Variants in PCDH15 observed in about 807,000 individuals in gnomAD.
PCDH15 encodes the protein protocadherin-15.
Under a neutral mutation model 178.5 loss-of-function variants are expected in PCDH15, and 129 were observed. That is an observed-to-expected ratio of 0.72 (90% CI 0.63 to 0.84). PCDH15 has a LOEUF of 0.84. Among genes scored for constraint, PCDH15 ranks in the 40% least tolerant of loss-of-function variants. The pLI is 0.00. For synonymous variants in PCDH15, 800 were observed against 732.0 expected (o/e 1.09, Z -1.50); for missense variants, 2,230 against 2,099.9 (o/e 1.06, Z -1.21).
intron 3 of PCDH15, among the ~76,000 whole-genome samples, chr10:54,454,044 T>A (rs947316807): frequency 6.6e-6 from 1 of 151,212 alleles, no homozygotes; most frequent in Non-Finnish European, 1.5e-5. Context: ...TATATAAATA[T>A]AATAGAGATT....
intron 2 of PCDH15, among the ~76,000 whole-genome samples, chr10:54,957,172 T>TA (rs1457361638): frequency 6.6e-6 from 1 of 151,514 alleles, no homozygotes; most frequent in East Asian, 1.9e-4. Flanking sequence ...TTCACAGACA[T>TA]AAAAATGAAG....
At chr10:55,358,811 ATTAG>A (rs1845144436) in intron 2 of PCDH15, among the ~76,000 whole-genome samples, 1 of 152,132 alleles carries the variant, frequency 6.6e-6, no homozygotes, top group Non-Finnish European at 1.5e-5. Flanking sequence ...AAAGTTGCTT[ATTAG>A]TTTGCTTTTC....
At chr10:54,806,475 T>C (rs975121011) in intron 3 of PCDH15, among the ~76,000 whole-genome samples, 4 of 151,374 alleles carry the variant, frequency 2.6e-5, no homozygotes, top group Non-Finnish European at 5.9e-5. Context: ...TGACTGAAGG[T>C]TCTGGCTTGA....
At chr10:55,378,372 G>T (rs1187693250) in intron 2 of PCDH15, among the ~76,000 whole-genome samples, 1 of 152,006 alleles carries the variant, frequency 6.6e-6, no homozygotes. Context: ...TTGAAAAAAT[G>T]CTCTGGGATT....
At chr10:54,392,623 G>A (rs1950697278) in intron 3 of PCDH15, among the ~76,000 whole-genome samples, 1 of 151,802 alleles carries the variant, frequency 6.6e-6, no homozygotes, top group Admixed American at 6.6e-5. Flanking sequence ...CTGTGGCCAG[G>A]CACGCTGGCT....
intron 15 of PCDH15, among the ~76,000 whole-genome samples, 198 bp from the exon 16 acceptor site, chr10:54,090,261 C>G (rs1590352935): frequency 6.6e-6 from 1 of 152,134 alleles, no homozygotes; most frequent in Non-Finnish European, 1.5e-5. Context: ...GTAATCCTAC[C>G]TGATGTGGAA....
intron 20 of PCDH15, among the ~76,000 whole-genome samples, chr10:53,997,641 G>A (rs2091918532): frequency 6.6e-6 from 1 of 152,118 alleles, no homozygotes; most frequent in Non-Finnish European, 1.5e-5. Flanking sequence ...TTCCAATTAT[G>A]TCAACACAGC....
At chr10:55,555,123 T>TC (rs1375861017) in intron 2 of PCDH15, among the ~76,000 whole-genome samples, 2 of 152,078 alleles carry the variant, frequency 1.3e-5, no homozygotes, top group Non-Finnish European at 2.9e-5. Flanking sequence ...ATCTTTGGGA[T>TC]CATAGAAGCT....
rs114479061 is a variant in PCDH15 at position 54,020,121 on chromosome 10, A to G, written c.2751+71T>C. 628 of 1,276,674 alleles carry G rather than the reference A, an allele frequency of 4.9e-4. 1 individual carries two copies. The African/African-American group carries it at 7.8e-3, about 16-fold the overall frequency. 79.1% of individuals were successfully genotyped at this position (1,276,674 alleles called of 1,614,324 possible). On this transcript the variant is annotated intron_variant, in intron 20 of 37. Transcript: ENST00000644397. Reference sequence around the variant, plus strand: ...ATTGTTATCAAAACATATTATAGGTATAATAGAAGGAACAAAACCTACATG... The same window carrying G: ...ATTGTTATCAAAACATATTATAGGTGTAATAGAAGGAACAAAACCTACATG...
chr10:55,395,209 G>C (rs1474218017), intron 2 of PCDH15, among the ~76,000 whole-genome samples: 1 of 91,584 alleles, frequency 1.1e-5, no homozygotes, highest in African/African-American at 2.9e-5. Flanking sequence ...GAGAGAGAGA[G>C]AGAGAGAGAG....
chr10:54,108,856 C>T (rs2094962572), intron 15 of PCDH15, among the ~76,000 whole-genome samples: 1 of 152,180 alleles, frequency 6.6e-6, no homozygotes, highest in South Asian at 2.1e-4. Flanking sequence ...CAGGTTCTAC[C>T]TCATGGCTGA....
intron 8 of PCDH15, among the ~76,000 whole-genome samples, chr10:54,296,144 C>CAAAAAAAAAAAAAAAAAAAAAAAAA (rs59721161): frequency 1.2e-4 from 6 of 48,222 alleles, no homozygotes; most frequent in Admixed American, 3.4e-4. Flanking sequence ...GACTCCGTCT[C>CAAAAAAAAAAAAAAAAAAAAAAAAA]AAAAAAAAAA....
chr10:55,621,590 C>T (rs78002343), intron 2 of PCDH15, among the ~76,000 whole-genome samples: 2,746 of 152,184 alleles, frequency 0.018, 94 homozygotes, highest in African/African-American at 0.062. Flanking sequence ...TGGTTAGCTG[C>T]GCATGTGAGG....
chr10:54,518,591 T>C (rs2082481192), intron 3 of PCDH15, among the ~76,000 whole-genome samples: 1 of 150,972 alleles, frequency 6.6e-6, no homozygotes, highest in Non-Finnish European at 1.5e-5. Flanking sequence ...CCAAAAAGAG[T>C]CCAGGACAAG....
intron 1 of PCDH15, among the ~76,000 whole-genome samples, chr10:55,259,902 C>CAAAAAAAAAAAAAAAAAAAAAAAAAAA (rs749939571): frequency 1.9e-5 from 1 of 52,008 alleles, no homozygotes; most frequent in Non-Finnish European, 3.6e-5. Context: ...AACTCCGTCT[C>CAAAAAAAAAAAAAAAAAAAAAAAAAAA]AAAAAAAAAA....
At chr10:54,224,437 A>G (rs1347650878) in intron 9 of PCDH15, among the ~76,000 whole-genome samples, 1 of 152,160 alleles carries the variant, frequency 6.6e-6, no homozygotes, top group Non-Finnish European at 1.5e-5. Flanking sequence ...TCCCACTTAG[A>G]AAATGTAATA....
intron 1 of PCDH15, among the ~76,000 whole-genome samples, chr10:55,308,846 T>G (rs1843499299): frequency 6.6e-6 from 1 of 152,200 alleles, no homozygotes. Context: ...CATAGAATTA[T>G]AACACAGTTT....
At chr10:54,888,447 T>C (rs151322146) in intron 3 of PCDH15, among the ~76,000 whole-genome samples, 2,044 of 152,134 alleles carry the variant, frequency 0.013, 10 homozygotes, top group Non-Finnish European at 0.022. Flanking sequence ...ATCTAGTTCT[T>C]GGTGGACATT....
At chr10:54,602,968 T>C (rs2092604433) in intron 2 of PCDH15, among the ~76,000 whole-genome samples, 1 of 151,936 alleles carries the variant, frequency 6.6e-6, no homozygotes, top group Admixed American at 6.6e-5. Context: ...CGATGCTGGC[T>C]ACATGAAATG....
Sources: gnomAD v4.1 joint callset for allele counts (sites outside exome capture counted in the v4.1 genomes callset) on GRCh38, gnomAD v4.1.1 for gene constraint, MANE v1.5 for transcripts, NCBI Gene and HGNC (gene_info 2026-07-23, HGNC 2026-07-21) for gene names.